The following NKAIN3 variants were observed in gnomAD, a reference collection of about 807,000 sequenced individuals.
NKAIN3 encodes sodium/potassium-transporting ATPase subunit beta-1-interacting protein 3.
In NKAIN3, 25 loss-of-function variants were observed where a neutral mutation model predicts 30.2. The ratio of observed to expected loss-of-function variants is 0.83; its 90% confidence interval spans 0.60 to 1.16. The LOEUF (loss-of-function observed/expected upper bound fraction) is 1.16. NKAIN3 is among the 50% of genes most tolerant of loss of function. The pLI is 0.00. For missense variants in NKAIN3, 225 were observed against 254.1 expected (o/e 0.89, Z 0.78); for synonymous variants, 91 against 89.6 (o/e 1.02, Z -0.09).
At chr8:62,320,044 A>G (rs1433320255) in intron 1 of NKAIN3, among the ~76,000 whole-genome samples, 1 of 152,170 alleles carries the variant, frequency 6.6e-6, no homozygotes, top group East Asian at 1.9e-4. Flanking sequence ...TATTTAGGAT[A>G]GTTAGCTCTT....
At chr8:62,395,599 T>C (rs1336514960) in intron 1 of NKAIN3, among the ~76,000 whole-genome samples, 1 of 152,248 alleles carries the variant, frequency 6.6e-6, no homozygotes, top group Non-Finnish European at 1.5e-5. Context: ...ATGTAAATTC[T>C]GGAACGTTGT....
chr8:62,843,934 T>C (rs1819601433), intron 4 of NKAIN3, among the ~76,000 whole-genome samples: 1 of 152,092 alleles, frequency 6.6e-6, no homozygotes, highest in Non-Finnish European at 1.5e-5. Flanking sequence ...ACAAATGAAA[T>C]GCCATGCAAG....
chr8:62,977,418 G>A lies in NKAIN3; in HGVS notation c.*12011G>A, dbSNP rs1230765432. 6.6e-6 allele frequency among the ~76,000 whole-genome samples: 1 copy of A among 151,278 alleles called. No individual in the cohort carries two copies. On this transcript the variant is annotated 3_prime_UTR_variant, in exon 7 of 7. Coordinates refer to ENST00000623646, the MANE Select transcript of NKAIN3 (RefSeq NM_001304533.3). ...TTTTCCATTTTTTTCTTCTAATCTT[G>A]TCTTCATGCTTTATTTCCTTAAGTT... is the stretch of plus-strand genomic sequence containing the variant.
chr8:62,707,996 T>C (rs1171876901), intron 3 of NKAIN3, among the ~76,000 whole-genome samples: 1 of 152,062 alleles, frequency 6.6e-6, no homozygotes, highest in Non-Finnish European at 1.5e-5. Context: ...TTTCCCCACT[T>C]CATGTTTTTG....
intron 4 of NKAIN3, among the ~76,000 whole-genome samples, chr8:62,796,782 T>TCACACACA (rs1384802783): frequency 1.5e-3 from 45 of 30,364 alleles, no homozygotes; most frequent in African/African-American, 4.2e-3. Context: ...AGTTTTTGTA[T>TCACACACA]CACACATACA....
At chr8:62,937,544 C>G (rs1822823376) in intron 5 of NKAIN3, among the ~76,000 whole-genome samples, 1 of 152,014 alleles carries the variant, frequency 6.6e-6, no homozygotes, top group Non-Finnish European at 1.5e-5. Flanking sequence ...CCAAGGAAGA[C>G]CAGGGAAGCT....
chr8:62,717,456 A>G (rs548802466), intron 3 of NKAIN3, among the ~76,000 whole-genome samples: 1 of 152,010 alleles, frequency 6.6e-6, no homozygotes, highest in Non-Finnish European at 1.5e-5. Context: ...ATAAAACCAA[A>G]GTTGTGTGGC....
intron 3 of NKAIN3, among the ~76,000 whole-genome samples, chr8:62,621,858 A>G (rs989771970): frequency 4.6e-5 from 7 of 152,112 alleles, no homozygotes; most frequent in Non-Finnish European, 7.4e-5. Flanking sequence ...GTTTCTCCCA[A>G]TGGTAACATC....
At chr8:62,427,003 G>A (rs745815808) in intron 1 of NKAIN3, among the ~76,000 whole-genome samples, 2 of 151,996 alleles carry the variant, frequency 1.3e-5, no homozygotes, top group Non-Finnish European at 2.9e-5. Context: ...TGTTGTATAA[G>A]GTGATACCCA....
chr8:62,746,861 C>G (rs1248173940), intron 3 of NKAIN3, 71 bp from the exon 4 acceptor site: 2 of 1,103,594 alleles, frequency 1.8e-6, no homozygotes. Context: ...TGAATTCTTC[C>G]TAAGGTCAAA....
chr8:62,714,823 G>C (rs1010661279), intron 3 of NKAIN3, among the ~76,000 whole-genome samples: 8 of 152,118 alleles, frequency 5.3e-5, no homozygotes, highest in Admixed American at 1.3e-4. Context: ...ACGATGCTTG[G>C]ATCACTTGCA....
At chr8:62,428,622 T>C (rs1306830321) in intron 1 of NKAIN3, among the ~76,000 whole-genome samples, 3 of 152,048 alleles carry the variant, frequency 2.0e-5, no homozygotes, top group Non-Finnish European at 4.4e-5. Flanking sequence ...TTTTTTCATA[T>C]ACCAGGTTGT....
chr8:62,466,992 C>A (rs989570734), intron 1 of NKAIN3, among the ~76,000 whole-genome samples: 1 of 152,112 alleles, frequency 6.6e-6, no homozygotes, highest in Non-Finnish European at 1.5e-5. Context: ...GGCTTAAATT[C>A]GAATCCATGG....
intron 1 of NKAIN3, among the ~76,000 whole-genome samples, chr8:62,544,401 T>C (rs1006074194): frequency 6.6e-6 from 1 of 152,194 alleles, no homozygotes; most frequent in African/African-American, 2.4e-5. Context: ...ATTGCAATAA[T>C]ACATGTTTAC....
chr8:62,315,765 C>G (rs1198373692), intron 1 of NKAIN3, among the ~76,000 whole-genome samples: 1 of 152,178 alleles, frequency 6.6e-6, no homozygotes, highest in South Asian at 2.1e-4. Context: ...AAATTTATCT[C>G]TGGTCCAAGT....
intron 3 of NKAIN3, among the ~76,000 whole-genome samples, chr8:62,699,501 G>A (rs981186670): frequency 6.6e-6 from 1 of 152,154 alleles, no homozygotes; most frequent in Non-Finnish European, 1.5e-5. Flanking sequence ...GGACAAACTT[G>A]CATATTGAAT....
chr8:62,870,257 T>TAGATATAGATATAG (rs1563603973), intron 4 of NKAIN3, among the ~76,000 whole-genome samples: 11 of 84,998 alleles, frequency 1.3e-4, no homozygotes, highest in African/African-American at 2.8e-4. Context: ...TATCTATATA[T>TAGATATAGATATAG]ATATCTATAT....
At position 62,872,161 on chromosome 8, in the gene NKAIN3, A is replaced by G. The variant is rs147490729; in HGVS notation, c.472-46292A>G. Among the ~76,000 whole-genome samples the G allele has an allele frequency of 6.7e-3, 1,025 of 152,344 alleles. 8 individuals are homozygous for G. Among genetic ancestry groups the G allele is most frequent in the South Asian group, 0.032 (153 of 4,832 alleles). ...AGCTTATACCATATAGCCTAGATGT[A>G]TAGTTGGCAACACCATCTAGTTTTG... On this transcript the variant is annotated intron_variant, in intron 4 of 6. Coordinates refer to ENST00000623646, the MANE Select transcript of NKAIN3 (RefSeq NM_001304533.3).
intron 1 of NKAIN3, among the ~76,000 whole-genome samples, chr8:62,385,138 A>C (rs1239623515): frequency 6.6e-6 from 1 of 152,144 alleles, no homozygotes; most frequent in Non-Finnish European, 1.5e-5. Flanking sequence ...CCAGTTTCCC[A>C]GAGGAATAAG....
Sources: gnomAD v4.1 joint callset for allele counts (sites outside exome capture counted in the v4.1 genomes callset) on GRCh38, gnomAD v4.1.1 for gene constraint, MANE v1.5 for transcripts, NCBI Gene and HGNC (gene_info 2026-07-23, HGNC 2026-07-21) for gene names.